The following TMPRSS11F variants were observed in gnomAD, a reference collection of about 807,000 sequenced individuals.
TMPRSS11F encodes transmembrane protease serine 11F.
TMPRSS11F carries 47 observed loss-of-function variants against 60.2 expected under a neutral mutation model. The observed-to-expected ratio is 0.78, with a 90% CI of 0.62 to 1.00. The LOEUF is 1.00. TMPRSS11F is among the 50% of genes least tolerant of loss of function. TMPRSS11F has a pLI of 0.00. For synonymous variants in TMPRSS11F, 166 were observed against 167.3 expected (o/e 0.99, Z 0.06); for missense variants, 519 against 522.9 (o/e 0.99, Z 0.07).
intron 1 of TMPRSS11F, among the ~76,000 whole-genome samples, chr4:68,128,054 A>T (rs943621582): frequency 3.3e-5 from 5 of 152,136 alleles, no homozygotes; most frequent in African/African-American, 9.7e-5. Context: ...TCTTGAACAC[A>T]TCTAAATGAT....
intron 8 of TMPRSS11F, among the ~76,000 whole-genome samples, chr4:68,060,770 G>A (rs1430138130): frequency 6.6e-6 from 1 of 151,536 alleles, no homozygotes; most frequent in Non-Finnish European, 1.5e-5. Flanking sequence ...TATAATTCAT[G>A]TGTATGAATG....
intron 1 of TMPRSS11F, among the ~76,000 whole-genome samples, chr4:68,111,076 C>A (rs1000148256): frequency 6.6e-6 from 1 of 152,102 alleles, no homozygotes; most frequent in Non-Finnish European, 1.5e-5. Flanking sequence ...TGTTTTTATA[C>A]AAATTCCATA....
intron 9 of TMPRSS11F, 123 bp downstream of exon 9, chr4:68,059,203 A>G: frequency 2.1e-6 from 2 of 973,402 alleles, no homozygotes; most frequent in Non-Finnish European, 3.0e-6. Context: ...TGATTATTAA[A>G]TAAAGTCAGT....
At chr4:68,078,732 A>C (rs1054842061) in intron 3 of TMPRSS11F, among the ~76,000 whole-genome samples, 1 of 152,216 alleles carries the variant, frequency 6.6e-6, no homozygotes, top group Non-Finnish European at 1.5e-5. Flanking sequence ...GGTGGGACCC[A>C]GGAGGCCCCA....
intron 4 of TMPRSS11F, among the ~76,000 whole-genome samples, 166 bp downstream of exon 4, chr4:68,073,776 G>A (rs1219112129): frequency 2.6e-5 from 4 of 152,066 alleles, no homozygotes; most frequent in South Asian, 2.1e-4. Flanking sequence ...AGCACCTTAC[G>A]ACTTTCTATT....
Position 68,064,895 on chromosome 4 carries a change from G to C in TMPRSS11F, c.805C>G (p.Pro269Ala), listed in dbSNP as rs1380642116. 2 of 1,613,852 alleles carry C rather than the reference G, an allele frequency of 1.2e-6. No homozygotes were observed. The highest frequency in any genetic ancestry group is 8.5e-7 in the Non-Finnish European group (1 of 1,179,984). Residue 269 changes from proline to alanine, a missense_variant, in exon 8 of 10, where the codon CCA becomes GCA. Coordinates refer to ENST00000356291, the MANE Select transcript of TMPRSS11F (RefSeq NM_207407.2). Reference protein sequence around the residue: ...WIATFGATITPPAVKRNVRKI... With the variant: ...WIATFGATITAPAVKRNVRKI... ...CTCACATTTCGTTTCACTGCGGGTGGTGTTATAGTTGCACCAAAAGTAGCA... is the reference window on the plus strand; with the variant it reads ...CTCACATTTCGTTTCACTGCGGGTGCTGTTATAGTTGCACCAAAAGTAGCA...
At chr4:68,054,781 T>C (rs577468965) in intron 9 of TMPRSS11F, among the ~76,000 whole-genome samples, 2 of 152,270 alleles carry the variant, frequency 1.3e-5, no homozygotes, top group South Asian at 4.1e-4. Flanking sequence ...TGAGGCAATC[T>C]GATGTCTGTT....
At chr4:68,105,144 C>A (rs1376187725) in intron 1 of TMPRSS11F, among the ~76,000 whole-genome samples, 1 of 140,390 alleles carries the variant, frequency 7.1e-6, no homozygotes, top group Non-Finnish European at 1.5e-5. Flanking sequence ...GTGAAGCCAT[C>A]TGGTCCTGGG....
intron 3 of TMPRSS11F, among the ~76,000 whole-genome samples, chr4:68,087,696 ATTTTATTT>A (rs1723841756): frequency 2.0e-5 from 1 of 50,388 alleles, no homozygotes; most frequent in Non-Finnish European, 4.3e-5. Context: ...AATTAGTAGC[ATTTTATTT>A]ATTTATTTAT....
rs768553297 is a variant in TMPRSS11F, at chr4:68,129,846, T to C, written c.-26A>G. 6.2e-7 allele frequency: 1 copy of C among 1,612,902 alleles called. No homozygotes were observed. Among genetic ancestry groups the C allele is most frequent in the Non-Finnish European group, 8.5e-7 (1 of 1,179,052 alleles). ...GAACCCAGGACTGGGGCAGCTTCTA[T>C]TCAGTCACCATCTGATCTGTATCAG... On this transcript the variant is annotated 5_prime_UTR_variant, in exon 1 of 10. Coordinates refer to ENST00000356291, the MANE Select transcript of TMPRSS11F (RefSeq NM_207407.2).
intron 1 of TMPRSS11F, among the ~76,000 whole-genome samples, chr4:68,114,870 C>A (rs1411246051): frequency 6.6e-6 from 1 of 150,976 alleles, no homozygotes; most frequent in African/African-American, 2.4e-5. Context: ...GAAAACCAAT[C>A]AGTATAACTC....
At chr4:68,080,133 C>A (rs1421752915) in intron 3 of TMPRSS11F, 1 of 152,220 alleles carries the variant, frequency 6.6e-6, no homozygotes, top group African/African-American at 2.4e-5. Flanking sequence ...AAGCTTCCTG[C>A]TGACTCAAAA....
chr4:68,093,205 A>C (rs542034168), intron 2 of TMPRSS11F, among the ~76,000 whole-genome samples: 1 of 152,356 alleles, frequency 6.6e-6, no homozygotes, highest in East Asian at 1.9e-4. Flanking sequence ...GAAAACACAA[A>C]TCTAATTTAA....
intron 1 of TMPRSS11F, among the ~76,000 whole-genome samples, chr4:68,118,091 CA>C (rs1261525225): frequency 6.6e-6 from 1 of 152,064 alleles, no homozygotes; most frequent in Non-Finnish European, 1.5e-5. Flanking sequence ...CAAAGAATAC[CA>C]AAGTAGAAAG....
intron 1 of TMPRSS11F, among the ~76,000 whole-genome samples, chr4:68,113,475 A>G (rs1333642197): frequency 6.6e-6 from 1 of 152,136 alleles, no homozygotes; most frequent in Non-Finnish European, 1.5e-5. Context: ...AAAAAGAAGT[A>G]TGTCTGTATT....
intron 1 of TMPRSS11F, among the ~76,000 whole-genome samples, chr4:68,121,755 TAG>T (rs1724628866): frequency 6.6e-6 from 1 of 152,196 alleles, no homozygotes; most frequent in South Asian, 2.1e-4. Context: ...ATAATTGTCC[TAG>T]AGAGATGTGA....
chr4:68,115,603 TTAA>T (rs1724502966), intron 1 of TMPRSS11F, among the ~76,000 whole-genome samples: 1 of 152,122 alleles, frequency 6.6e-6, no homozygotes, highest in Admixed American at 6.6e-5. Context: ...AGTGCTTTTA[TTAA>T]TATACTATAA....
intron 7 of TMPRSS11F, among the ~76,000 whole-genome samples, chr4:68,065,804 G>C (rs1723313912): frequency 6.6e-6 from 1 of 150,944 alleles, no homozygotes; most frequent in Non-Finnish European, 1.5e-5. Flanking sequence ...GGTTTCCTAA[G>C]TGCTGCACTG....
At chr4:68,058,373 A>G (rs987320552) in intron 9 of TMPRSS11F, among the ~76,000 whole-genome samples, 2 of 152,208 alleles carry the variant, frequency 1.3e-5, no homozygotes, top group Admixed American at 1.3e-4. Flanking sequence ...AAAATAATGG[A>G]CAGTGAAATC....
Sources: gnomAD v4.1 joint callset for allele counts (sites outside exome capture counted in the v4.1 genomes callset) on GRCh38, gnomAD v4.1.1 for gene constraint, MANE v1.5 for transcripts, NCBI Gene and HGNC (gene_info 2026-07-23, HGNC 2026-07-21) for gene names.